The following RRM2B variants were observed in gnomAD, a reference collection of about 807,000 sequenced individuals.
RRM2B encodes the protein ribonucleotide reductase regulatory TP53 inducible subunit M2B.
RRM2B carries 20 observed loss-of-function variants against 45.9 expected under a neutral mutation model. The ratio of observed to expected loss-of-function variants is 0.44; its 90% CI spans 0.31 to 0.63. The LOEUF (loss-of-function observed/expected upper bound fraction) is 0.63, where lower values mean the gene tolerates loss of function less well. Among genes scored for constraint, RRM2B ranks in the 30% least tolerant of loss-of-function variants. The pLI, the probability that RRM2B is intolerant of heterozygous loss-of-function variation, is 0.09. For missense variants in RRM2B, 320 were observed against 414.7 expected (o/e 0.77, Z 1.98); for synonymous variants, 124 against 132.3 (o/e 0.94, Z 0.43).
chr8:102,237,704 T>C (rs1811144889), intron 1 of RRM2B, among the ~76,000 whole-genome samples: 1 of 152,220 alleles, frequency 6.6e-6, no homozygotes, highest in African/African-American at 2.4e-5. Context: ...CTGGTGCCAT[T>C]AGCATAAACA....
At chr8:102,215,782 A>G (rs144660874) in intron 6 of RRM2B, among the ~76,000 whole-genome samples, 79 of 152,090 alleles carry the variant, frequency 5.2e-4, no homozygotes, top group Non-Finnish European at 9.0e-4. Flanking sequence ...CTGCGTCTAC[A>G]AAACTTTTTT....
chr8:102,206,682 T>C lies in RRM2B; in HGVS notation c.*1451A>G, dbSNP rs11575864. The C allele has an allele frequency of 1.3e-5, 2 of 152,124 alleles. No individual in the cohort carries two copies. Among genetic ancestry groups the C allele is most frequent in the African/African-American group, 4.8e-5 (2 of 41,424 alleles). 9.4% of individuals were successfully genotyped at this position (152,124 alleles called of 1,614,324 possible). ...TAATAATGTATTAAAAATTCAGTAT[T>C]TCAGTATTAAGACTTCTTCATCCAA... On this transcript the variant is annotated 3_prime_UTR_variant, in exon 9 of 9. Transcript: ENST00000251810.
intron 1 of RRM2B, among the ~76,000 whole-genome samples, chr8:102,237,059 A>G (rs939063215): frequency 2.6e-5 from 4 of 152,208 alleles, no homozygotes; most frequent in African/African-American, 9.7e-5. Context: ...TTTCACTTCT[A>G]TTCCCACAAA....
At chr8:102,238,077 A>C (rs1044256190) in intron 1 of RRM2B, among the ~76,000 whole-genome samples, 2 of 152,202 alleles carry the variant, frequency 1.3e-5, no homozygotes, top group Non-Finnish European at 2.9e-5. Flanking sequence ...CTACCATACA[A>C]TCCTACAGTC....
At chr8:102,215,045 T>TAAAAAAAAAAAAAAAAAA (rs3063793) in intron 6 of RRM2B, among the ~76,000 whole-genome samples, 6 of 61,772 alleles carry the variant, frequency 9.7e-5, no homozygotes, top group Non-Finnish European at 1.8e-4. Context: ...AGCTAAATAT[T>TAAAAAAAAAAAAAAAAAA]AAAAAAAAAA....
At chr8:102,236,808 C>T (rs779727502) in intron 1 of RRM2B, among the ~76,000 whole-genome samples, 4 of 152,162 alleles carry the variant, frequency 2.6e-5, no homozygotes, top group South Asian at 2.1e-4. Context: ...TTCCAGTTTC[C>T]GACTGACTCA....
At chr8:102,213,998 T>A in intron 7 of RRM2B, 56 bp downstream of exon 7, 1 of 1,151,756 alleles carries the variant, frequency 8.7e-7, no homozygotes, top group Non-Finnish European at 1.3e-6. Context: ...AATATAATAG[T>A]GGTACAAACA....
At chr8:102,238,778 C>A (rs1208380214) in intron 1 of RRM2B, 49 bp downstream of exon 1, 1 of 1,613,326 alleles carries the variant, frequency 6.2e-7, no homozygotes, top group South Asian at 1.1e-5. Context: ...TGCAATCTAA[C>A]GGGCTGGCGT....
intron 2 of RRM2B, 37 bp from the exon 3 acceptor site, chr8:102,226,071 G>T: frequency 1.6e-6 from 2 of 1,270,934 alleles, no homozygotes; most frequent in Non-Finnish European, 2.3e-6. Flanking sequence ...TTAATTTGGA[G>T]TTAAGTTCTT....
At chr8:102,209,065 G>T (rs1810592873) in intron 8 of RRM2B, among the ~76,000 whole-genome samples, 1 of 152,140 alleles carries the variant, frequency 6.6e-6, no homozygotes, top group Admixed American at 6.5e-5. Flanking sequence ...CAGGAGAATT[G>T]CTTGAACCTG....
intron 1 of RRM2B, among the ~76,000 whole-genome samples, chr8:102,232,965 T>G (rs531115905): frequency 6.6e-6 from 1 of 152,230 alleles, no homozygotes; most frequent in Non-Finnish European, 1.5e-5. Context: ...ATACCTGTAT[T>G]CACACTGCTT....
intron 6 of RRM2B, among the ~76,000 whole-genome samples, chr8:102,216,253 T>G (rs1810728784): frequency 1.3e-5 from 2 of 152,008 alleles, no homozygotes; most frequent in Admixed American, 6.5e-5. Flanking sequence ...AAAATAAAAT[T>G]AAATTCTAAC....
At chr8:102,217,864 G>A (rs1007044926) in intron 6 of RRM2B, among the ~76,000 whole-genome samples, 14 of 151,984 alleles carry the variant, frequency 9.2e-5, no homozygotes, top group African/African-American at 3.4e-4. Context: ...AGATGGAAAG[G>A]GTAGAAAGGG....
intron 2 of RRM2B, among the ~76,000 whole-genome samples, chr8:102,227,416 G>A (rs897115637): frequency 2.0e-5 from 3 of 152,064 alleles, no homozygotes; most frequent in African/African-American, 7.2e-5. Flanking sequence ...TCCCACCTCA[G>A]CCTCCAGAGG....
chr8:102,230,577 C>T (rs1019101488), intron 2 of RRM2B, among the ~76,000 whole-genome samples: 5 of 152,148 alleles, frequency 3.3e-5, no homozygotes, highest in Non-Finnish European at 7.4e-5. Flanking sequence ...ATTATGACCA[C>T]GTATGAAAAT....
intron 5 of RRM2B, 144 bp from the exon 6 acceptor site, chr8:102,219,091 T>C (rs895577160): frequency 4.1e-5 from 35 of 846,204 alleles, no homozygotes; most frequent in African/African-American, 1.2e-4. Flanking sequence ...AAGATCTCCA[T>C]AGGAGAAAAT....
In RRM2B at chr8:102,220,480, C is replaced by G. The variant is rs192069458; in HGVS notation, c.551-1533G>C. Among the ~76,000 whole-genome samples the G allele has an allele frequency of 3.5e-4, 53 of 152,246 alleles. 1 individual carries two copies. The East Asian group carries it at 9.6e-3, about 28-fold the overall frequency. On this transcript the variant is annotated intron_variant, in intron 5 of 8. Transcript: ENST00000251810. ...ACAGTATGGGGTCTTGCTCTTGTCA[C>G]CCAGGCTGTAGTGCAATGGTGCATT...
chr8:102,217,138 T>C (rs1404629588), intron 6 of RRM2B, among the ~76,000 whole-genome samples: 1 of 152,138 alleles, frequency 6.6e-6, no homozygotes, highest in African/African-American at 2.4e-5. Context: ...CATTAGATTA[T>C]ACATTTAACA....
intron 1 of RRM2B, among the ~76,000 whole-genome samples, chr8:102,233,880 G>T (rs1811075287): frequency 6.6e-6 from 1 of 152,240 alleles, no homozygotes; most frequent in East Asian, 1.9e-4. Context: ...GATCAGAGTA[G>T]TGTGATCATA....
Sources: gnomAD v4.1 joint callset for allele counts (sites outside exome capture counted in the v4.1 genomes callset) on GRCh38, gnomAD v4.1.1 for gene constraint, MANE v1.5 for transcripts, NCBI Gene and HGNC (gene_info 2026-07-23, HGNC 2026-07-21) for gene names.